The following MINK1 variants were observed in gnomAD, a reference collection of about 807,000 sequenced individuals.
The protein encoded by MINK1 is misshapen like kinase 1.
In MINK1, 46 loss-of-function variants were observed where a neutral mutation model predicts 178.4. The observed-to-expected ratio is 0.26, with a 90% CI of 0.20 to 0.33. The LOEUF (loss-of-function observed/expected upper bound fraction) is 0.33, where lower values mean the gene tolerates loss of function less well. Ranked by LOEUF, MINK1 falls within the 10% of genes least tolerant of loss-of-function variation. MINK1 has a pLI of 1.00. For synonymous variants in MINK1, 797 were observed against 709.7 expected, an observed-to-expected ratio of 1.12 and a Z score of -1.96; for missense variants, 1,366 against 1,814.9, an observed-to-expected ratio of 0.75 and a Z score of 4.49.
chr17:4,875,355 A>G (rs72835043), intron 1 of MINK1, among the ~76,000 whole-genome samples: 11,347 of 152,182 alleles, frequency 0.075, 466 homozygotes, highest in Non-Finnish European at 0.095. Flanking sequence ...CATGCCTATA[A>G]TATTAATGTG....
At chr17:4,871,439 T>G (rs1208744459) in intron 1 of MINK1, among the ~76,000 whole-genome samples, 1 of 152,036 alleles carries the variant, frequency 6.6e-6, no homozygotes, top group Non-Finnish European at 1.5e-5. Flanking sequence ...TCAAACCACT[T>G]GACCTCAAGT....
intron 13 of MINK1, 80 bp downstream of exon 13, chr17:4,889,843 C>T (rs1207506512): frequency 2.1e-6 from 2 of 942,112 alleles, no homozygotes; most frequent in East Asian, 5.5e-5. Flanking sequence ...GTGCCCTTCC[C>T]CCTTCTCTCC....
At chr17:4,862,653 CA>C (rs562640414) in intron 1 of MINK1, among the ~76,000 whole-genome samples, 19,305 of 123,654 alleles carry the variant, frequency 0.16, 1,451 homozygotes, top group African/African-American at 0.26. Context: ...GAATCCATCT[CA>C]AAAAAAAAAA....
chr17:4,839,157 A>ATGG (rs1350367417), intron 1 of MINK1, among the ~76,000 whole-genome samples: 2 of 152,062 alleles, frequency 1.3e-5, no homozygotes, highest in Non-Finnish European at 2.9e-5. Context: ...GTTAGCCAGG[A>ATGG]TGGTCTTGAT....
Position 4,887,563 on chromosome 17 carries a change from G to A in MINK1, c.1020-17G>A. ...AGGGTTCTGACCCCAGTGCTTCTTT[G>A]TGCCACCCCTGCCCAGCTCCATCAT... On this transcript the variant is annotated splice_polypyrimidine_tract_variant and intron_variant, in intron 11 of 31. Transcript: ENST00000355280. The surrounding 1 kb of genome is among the most constrained non-coding windows in gnomAD (Gnocchi z 7.6). The A allele has an allele frequency of 6.7e-7, 1 of 1,488,592 alleles. No individual in the cohort carries two copies. Among genetic ancestry groups the A allele is most frequent in the East Asian group, 2.5e-5 (1 of 40,696 alleles). 92.2% of individuals were successfully genotyped at this position (1,488,592 alleles called of 1,614,324 possible).
chr17:4,893,728 G>T, intron 21 of MINK1, 131 bp downstream of exon 21: 2 of 1,311,986 alleles, frequency 1.5e-6, no homozygotes, highest in Non-Finnish European at 2.0e-6. Flanking sequence ...GTGGGGTGAG[G>T]GTGCAGGTTC....
chr17:4,834,861 C>T (rs764847793), intron 1 of MINK1: 12 of 519,864 alleles, frequency 2.3e-5, no homozygotes, highest in Non-Finnish European at 3.8e-5. Flanking sequence ...TGGGAAAAGG[C>T]GGTCAGCCAC....
At chr17:4,889,378 T>G (rs1247384652) in intron 12 of MINK1, among the ~76,000 whole-genome samples, 2 of 152,042 alleles carry the variant, frequency 1.3e-5, no homozygotes, top group African/African-American at 4.8e-5. Context: ...TGGTGGGGTG[T>G]GGGGAGTGGA....
In MINK1 at chr17:4,896,377, G is replaced by A. The variant is rs1245670746; in HGVS notation, c.3615+35G>A. 1.2e-6 allele frequency: 2 copies of A among 1,606,140 alleles called. No homozygotes were observed. The highest frequency in any genetic ancestry group is 2.2e-5 in the East Asian group (1 of 44,820). On this transcript the variant is annotated intron_variant, in intron 29 of 31. Coordinates refer to ENST00000355280, the MANE Select transcript of MINK1 (RefSeq NM_153827.5). This position sits in a 1 kb window ranked among gnomAD's most constrained non-coding sequence, Gnocchi z 4.6. The stretch of plus-strand genomic sequence containing the variant: ...GCGGGGCTGCTGGGGGAGTGGGATG[G>A]CCCAGTCTGGGCACCAGACACGGAG...
intron 4 of MINK1, among the ~76,000 whole-genome samples, chr17:4,883,585 T>G (rs1425775956): frequency 2.0e-5 from 3 of 150,280 alleles, no homozygotes; most frequent in African/African-American, 7.4e-5. Flanking sequence ...AGGCTGGAGT[T>G]CAGTGGCGCA....
intron 1 of MINK1, among the ~76,000 whole-genome samples, chr17:4,868,445 G>A (rs1370856105): frequency 2.0e-5 from 3 of 151,896 alleles, no homozygotes; most frequent in Non-Finnish European, 4.4e-5. Flanking sequence ...GGCAACCCCC[G>A]TTCTACTCTC....
chr17:4,889,196 A>G (rs1968521113), intron 12 of MINK1, among the ~76,000 whole-genome samples: 1 of 152,188 alleles, frequency 6.6e-6, no homozygotes, highest in Admixed American at 6.5e-5. Context: ...GGTGCTTGTC[A>G]AGGAGTGGGC....
chr17:4,863,870 A>T (rs1012836933), intron 1 of MINK1, among the ~76,000 whole-genome samples: 17 of 152,090 alleles, frequency 1.1e-4, no homozygotes, highest in African/African-American at 4.1e-4. Flanking sequence ...GCTCACTGCA[A>T]CCTTCGCCTC....
chr17:4,883,696 T>C (rs1266909805), intron 4 of MINK1, among the ~76,000 whole-genome samples: 1 of 141,836 alleles, frequency 7.1e-6, no homozygotes, highest in Non-Finnish European at 1.5e-5. Context: ...CACGCCCGGC[T>C]ACTTTTTTTT....
intron 1 of MINK1, among the ~76,000 whole-genome samples, chr17:4,872,285 GCA>G (rs2150952098): frequency 6.7e-6 from 1 of 149,812 alleles, no homozygotes; most frequent in East Asian, 2.0e-4. Flanking sequence ...AGCTGAGATT[GCA>G]CCACTGCACT....
At chr17:4,858,311 C>T (rs1913529541) in intron 1 of MINK1, among the ~76,000 whole-genome samples, 1 of 152,170 alleles carries the variant, frequency 6.6e-6, no homozygotes, top group Admixed American at 6.5e-5. Flanking sequence ...GAGGGCCTCC[C>T]AGGCCAGCTC....
rs1333639857 is a variant in MINK1, at chr17:4,897,433, CCCCTGAT to C, written c.*147_*153del. ...AGCCTGCTGGGAACGTGACCTCTGA[CCCCTGAT>C]GCTTTCGTGATCACGTGACCATCCT... On this transcript the variant is annotated 3_prime_UTR_variant, in exon 32 of 32. Transcript: ENST00000355280. 20 of 664,652 alleles carry C rather than the reference CCCCTGAT, an allele frequency of 3.0e-5. No individual in the cohort carries two copies. The highest frequency in any genetic ancestry group is 7.8e-5 in the South Asian group (4 of 51,594). 41.2% of individuals were successfully genotyped at this position (664,652 alleles called of 1,614,324 possible).
In MINK1 at chr17:4,862,923, T is replaced by C. The variant is rs529742614; in HGVS notation, c.58-15394T>C. Among the ~76,000 whole-genome samples the C allele has an allele frequency of 2.0e-5, 3 of 151,596 alleles. No individual in the cohort carries two copies. The South Asian group carries it at 6.3e-4, about 32-fold the overall frequency. ...GATGGTGCATGCCCGTGGTTCCAGC[T>C]ACTCAGGAAGCTGAGGTGGGAGGAC... is the stretch of plus-strand genomic sequence containing the variant. On this transcript the variant is annotated intron_variant, in intron 1 of 31. Transcript: ENST00000355280.
chr17:4,884,407 A>G lies in MINK1; in HGVS notation c.351A>G (p.Val117=), dbSNP rs1335874730. 1 of 1,613,936 alleles carries G rather than the reference A, an allele frequency of 6.2e-7. No homozygotes were observed. Among genetic ancestry groups the G allele is most frequent in the Non-Finnish European group, 8.5e-7 (1 of 1,179,864 alleles). The stretch of plus-strand genomic sequence containing the variant: ...GTGCTGGTTCAGTGACTGACCTGGT[A>G]AAGAACACAAAAGGCAACGCCCTGA... ...FCGAGSVTDL[V]KNTKGNALKE... Residue 117 remains valine (V), a synonymous_variant, in exon 5 of 32, where the codon GTA becomes GTG. Transcript: ENST00000355280.
Sources: allele counts gnomAD v4.1 joint callset (sites outside exome capture counted in the v4.1 genomes callset), GRCh38; gene constraint gnomAD v4.1.1; non-coding constraint Gnocchi (gnomAD v3.1); transcripts MANE v1.5; gene names NCBI Gene and HGNC (gene_info 2026-07-23, HGNC 2026-07-21).